KHDRBS2: variants seen among roughly 807,000 people sequenced by gnomAD.
The protein encoded by KHDRBS2 is KH domain-containing, RNA-binding, signal transduction-associated protein 2.
KHDRBS2 carries 26 observed loss-of-function variants against 44.3 expected under a neutral mutation model. The observed-to-expected ratio is 0.59, with a 90% CI of 0.43 to 0.81. KHDRBS2 has a LOEUF of 0.81. Ranked by LOEUF, KHDRBS2 falls within the 40% of genes least tolerant of loss-of-function variation. KHDRBS2 has a pLI of 0.00. For missense variants in KHDRBS2, 476 were observed against 433.1 expected (o/e 1.10, Z -0.88); for synonymous variants, 194 against 151.1 (o/e 1.28, Z -2.08).
chr6:62,171,862 T>C (rs1045273948), intron 2 of KHDRBS2, among the ~76,000 whole-genome samples: 2 of 152,124 alleles, frequency 1.3e-5, no homozygotes, highest in African/African-American at 4.8e-5. Flanking sequence ...AAGATTCTTT[T>C]GAGACAAGCA....
At chr6:62,212,334 T>G (rs993808444) in intron 1 of KHDRBS2, among the ~76,000 whole-genome samples, 4 of 143,388 alleles carry the variant, frequency 2.8e-5, no homozygotes, top group East Asian at 2.1e-4. Flanking sequence ...AGAGAGAGAG[T>G]GAGAGAGAGA....
chr6:62,283,073 G>T (rs1842015652), intron 1 of KHDRBS2, among the ~76,000 whole-genome samples: 1 of 152,108 alleles, frequency 6.6e-6, no homozygotes, highest in African/African-American at 2.4e-5. Flanking sequence ...TCCTGAGTTT[G>T]CTGTTTTATC....
intron 3 of KHDRBS2, among the ~76,000 whole-genome samples, chr6:61,991,349 C>T (rs768862531): frequency 1.5e-4 from 23 of 152,074 alleles, no homozygotes; most frequent in Non-Finnish European, 2.5e-4. Flanking sequence ...TTATGTAGCA[C>T]GCTGAGTCTT....
intron 7 of KHDRBS2, among the ~76,000 whole-genome samples, chr6:61,703,574 T>C (rs2040198438): frequency 6.6e-6 from 1 of 151,926 alleles, no homozygotes; most frequent in African/African-American, 2.4e-5. Context: ...TTCAGCCAGG[T>C]CCCCATCCTC....
At chr6:61,650,048 C>T in the KHDRBS2 span, among the ~76,000 whole-genome samples, 94 of 152,280 alleles carry the variant, frequency 6.2e-4, no homozygotes, top group African/African-American at 2.1e-3. Context: ...TGTCCAGCTA[C>T]AGGCTCAATG....
intron 6 of KHDRBS2, among the ~76,000 whole-genome samples, chr6:61,800,984 C>A (rs1786164518): frequency 6.6e-6 from 1 of 152,068 alleles, no homozygotes; most frequent in Admixed American, 6.6e-5. Context: ...ATCCTGGGTG[C>A]ATATACTGGA....
At chr6:61,877,532 C>A (rs1388494474) in intron 6 of KHDRBS2, among the ~76,000 whole-genome samples, 1 of 151,306 alleles carries the variant, frequency 6.6e-6, no homozygotes, top group Non-Finnish European at 1.5e-5. Flanking sequence ...GGGATTACAG[C>A]ACACACAAAC....
At chr6:61,844,309 A>C (rs543779355) in intron 6 of KHDRBS2, among the ~76,000 whole-genome samples, 1 of 152,286 alleles carries the variant, frequency 6.6e-6, no homozygotes, top group African/African-American at 2.4e-5. Context: ...ACATTCCATT[A>C]TAATATTTCT....
At chr6:61,635,429 G>T in the KHDRBS2 span, among the ~76,000 whole-genome samples, 1 of 151,888 alleles carries the variant, frequency 6.6e-6, no homozygotes, top group Non-Finnish European at 1.5e-5. Flanking sequence ...AGTGTTCAAA[G>T]GGATAATACA....
At chr6:62,026,508 C>T (rs1291198448) in intron 3 of KHDRBS2, among the ~76,000 whole-genome samples, 2 of 151,110 alleles carry the variant, frequency 1.3e-5, no homozygotes, top group African/African-American at 2.4e-5. Flanking sequence ...TAATGGCACA[C>T]ATTAGCCTCA....
chr6:62,067,561 AT>A lies in KHDRBS2; in HGVS notation c.220-19568del, dbSNP rs546860435. ...AAAGTCTCAGACTATTGGTTTGAAT[AT>A]TTTAAACATATTTATTGATATATAG... On this transcript the variant is annotated intron_variant, in intron 2 of 8. Coordinates refer to ENST00000281156, the MANE Select transcript of KHDRBS2 (RefSeq NM_152688.4). Among the ~76,000 whole-genome samples the A allele has an allele frequency of 4.6e-5, 7 of 151,688 alleles. 1 individual carries two copies. The South Asian group carries it at 1.2e-3, about 27-fold the overall frequency.
At chr6:61,761,181 A>G (rs1779217594) in intron 6 of KHDRBS2, among the ~76,000 whole-genome samples, 1 of 152,290 alleles carries the variant, frequency 6.6e-6, no homozygotes, top group East Asian at 1.9e-4. Context: ...CAGTGAAGAG[A>G]TGTAATGCCT....
At chr6:61,823,616 C>T (rs1264739985) in intron 6 of KHDRBS2, among the ~76,000 whole-genome samples, 1 of 151,956 alleles carries the variant, frequency 6.6e-6, no homozygotes. Context: ...TATGATTATC[C>T]TCATCAGTGA....
intron 2 of KHDRBS2, among the ~76,000 whole-genome samples, chr6:62,070,452 T>G (rs1193153390): frequency 6.6e-6 from 1 of 152,036 alleles, no homozygotes; most frequent in Non-Finnish European, 1.5e-5. Context: ...ACTCGTCATT[T>G]AACATTAGGT....
intron 2 of KHDRBS2, among the ~76,000 whole-genome samples, chr6:62,094,015 G>A (rs530190203): frequency 6.6e-6 from 1 of 151,762 alleles, no homozygotes; most frequent in African/African-American, 2.4e-5. Flanking sequence ...TTTGACATAC[G>A]GATTTTATTT....
At chr6:61,835,450 C>T (rs1184966214) in intron 6 of KHDRBS2, among the ~76,000 whole-genome samples, 1 of 151,960 alleles carries the variant, frequency 6.6e-6, no homozygotes, top group Non-Finnish European at 1.5e-5. Context: ...TTCCATAGTA[C>T]AGAGATATTG....
chr6:61,991,992 A>T (rs1331379756), intron 3 of KHDRBS2, among the ~76,000 whole-genome samples: 1 of 152,206 alleles, frequency 6.6e-6, no homozygotes, highest in Non-Finnish European at 1.5e-5. Context: ...AGGCAAACGG[A>T]CTGAGAAGTA....
At chr6:61,993,738 C>A (rs1298770013) in intron 3 of KHDRBS2, among the ~76,000 whole-genome samples, 13 of 144,022 alleles carry the variant, frequency 9.0e-5, no homozygotes, top group Non-Finnish European at 1.8e-4. Flanking sequence ...ATTGCTATAG[C>A]TCTGAAAAGA....
At chr6:61,930,546 G>GAAAAAAAAA (rs1439236595) in intron 4 of KHDRBS2, among the ~76,000 whole-genome samples, 2 of 47,578 alleles carry the variant, frequency 4.2e-5, no homozygotes, top group African/African-American at 6.4e-5. Flanking sequence ...AAAAAAAAAA[G>GAAAAAAAAA]AAAAAAAAAA....
Sources: gnomAD v4.1 joint callset for allele counts (sites outside exome capture counted in the v4.1 genomes callset) on GRCh38, gnomAD v4.1.1 for gene constraint, MANE v1.5 for transcripts, NCBI Gene and HGNC (gene_info 2026-07-23, HGNC 2026-07-21) for gene names.